The following GTF3A variants were observed in gnomAD, a reference collection of about 807,000 sequenced individuals.
The protein encoded by GTF3A is transcription factor IIIA.
In GTF3A, 40 loss-of-function variants were observed where a neutral mutation model predicts 37.6. That is an observed-to-expected ratio of 1.06 (90% CI 0.83 to 1.38). The LOEUF is 1.38. Among genes scored for constraint, GTF3A ranks in the 40% most tolerant of loss-of-function variants. The probability of loss-of-function intolerance (pLI) is 0.00; values close to 1 mark genes in which losing one functional copy is unlikely to be tolerated. For synonymous variants in GTF3A, 191 were observed against 166.7 expected (o/e 1.15, Z -1.12); for missense variants, 500 against 462.6 (o/e 1.08, Z -0.74).
At chr13:27,427,063 G>A (rs560421840) in intron 1 of GTF3A, 29 bp from the exon 2 acceptor site, 4 of 1,151,702 alleles carry the variant, frequency 3.5e-6, no homozygotes, top group South Asian at 2.5e-5. Context: ...TAGTGCAGAA[G>A]TGACATGCTT....
intron 2 of GTF3A, among the ~76,000 whole-genome samples, chr13:27,428,165 T>G (rs941700987): frequency 2.0e-5 from 3 of 152,202 alleles, no homozygotes; most frequent in Non-Finnish European, 4.4e-5. Flanking sequence ...CAAACTGAGC[T>G]CACTTTTCTG....
At chr13:27,434,386 C>T (rs1953688883) in intron 6 of GTF3A, among the ~76,000 whole-genome samples, 167 bp downstream of exon 6, 1 of 152,170 alleles carries the variant, frequency 6.6e-6, no homozygotes, top group African/African-American at 2.4e-5. Context: ...CAGAGCTGTG[C>T]CAGGTCTCTG....
chr13:27,430,944 A>G (rs1953652013), intron 4 of GTF3A, among the ~76,000 whole-genome samples: 1 of 152,010 alleles, frequency 6.6e-6, no homozygotes, highest in African/African-American at 2.4e-5. Flanking sequence ...CCATTTATTT[A>G]TTTCTATTTT....
Position 27,424,792 on chromosome 13 carries a change from G to C in GTF3A, c.55G>C (p.Ala19Pro). Residue 19 changes from alanine to proline, a missense_variant, in exon 1 of 9, where the codon GCG (alanine) becomes CCG (proline). Physicochemically the swap from Ala to Pro is conservative, Grantham distance 27. Coordinates refer to ENST00000381140, the MANE Select transcript of GTF3A (RefSeq NM_002097.3). ...GGTGTCGTCCTTGACCATCGCCGAC[G>C]CGTTCATTGCAGCCGGCGAGAGCTC... 1.3e-6 allele frequency: 2 copies of C among 1,544,616 alleles called. No homozygotes were observed. The highest frequency in any genetic ancestry group is 1.7e-6 in the Non-Finnish European group (2 of 1,144,862).
At chr13:27,434,266 C>A (rs962953924) in intron 6 of GTF3A, 47 bp downstream of exon 6, 6 of 806,698 alleles carry the variant, frequency 7.4e-6, no homozygotes, top group African/African-American at 1.7e-5. Flanking sequence ...TTTGTCCCCA[C>A]AGAACTGATT....
chr13:27,427,005 C>T (rs1471102497), intron 1 of GTF3A, 87 bp from the exon 2 acceptor site: 2 of 728,894 alleles, frequency 2.7e-6, no homozygotes, highest in African/African-American at 1.7e-5. Flanking sequence ...AGCCTGTGGC[C>T]TTAACACTAG....
rs1402875049 is a variant in GTF3A at position 27,432,715 on chromosome 13, T to C, written c.489-16T>C. 1 of 1,590,002 alleles carries C rather than the reference T, an allele frequency of 6.3e-7. No individual in the cohort carries two copies. The highest frequency in any genetic ancestry group is 1.4e-5 in the African/African-American group (1 of 72,562). The stretch of plus-strand genomic sequence containing the variant: ...TGAAAATGGATTGGCTAATACCTCA[T>C]GTGTTGCCAATGCAGGTGTACCCAG... On this transcript the variant is annotated splice_polypyrimidine_tract_variant and intron_variant, in intron 4 of 8. Coordinates refer to ENST00000381140, the MANE Select transcript of GTF3A (RefSeq NM_002097.3).
At chr13:27,425,026 C>T in intron 1 of GTF3A, 88 bp downstream of exon 1, 1 of 940,398 alleles carries the variant, frequency 1.1e-6, no homozygotes, top group Non-Finnish European at 1.6e-6. Flanking sequence ...GGCCGCAGGC[C>T]CCGCTGTGCA....
chr13:27,433,253 T>C (rs1017792052), intron 5 of GTF3A, among the ~76,000 whole-genome samples: 10 of 151,214 alleles, frequency 6.6e-5, no homozygotes, highest in African/African-American at 2.4e-4. Context: ...TATTTGAATC[T>C]ATGATCTGTT....
chr13:27,432,700 T>C (rs1953668084), intron 4 of GTF3A, 31 bp from the exon 5 acceptor site: 4 of 1,563,888 alleles, frequency 2.6e-6, no homozygotes, highest in Middle Eastern at 3.3e-4. Context: ...TGAAAATGGA[T>C]TGGCTAATAC....
chr13:27,427,168 C>T lies in GTF3A; in HGVS notation c.278C>T (p.Thr93Ile), dbSNP rs201449609. 9.5e-4 allele frequency: 1,520 copies of T among 1,599,204 alleles called. 4 individuals carry two copies. The highest frequency in any genetic ancestry group is 9.4e-4 in the Non-Finnish European group (1,103 of 1,167,518). Residue 93 changes from threonine to isoleucine, a missense_variant, in exon 2 of 9, where the codon ACT (threonine) becomes ATT (isoleucine). By Grantham distance (89) the Thr-to-Ile change is moderately conservative (BLOSUM62 -1). Coordinates refer to ENST00000381140, the MANE Select transcript of GTF3A (RefSeq NM_002097.3). ...TACCATCTGAGCCGCCACATTCTGA[C>T]TCACACAGGAGAAAAGCCGTTTGTG...
In GTF3A at chr13:27,435,746, CTT is replaced by C. The variant is rs777106377; in HGVS notation, c.*150_*151del. The C allele has an allele frequency of 3.7e-6, 6 of 1,614,120 alleles. No homozygotes were observed. Among genetic ancestry groups the C allele is most frequent in the East Asian group, 2.2e-5 (1 of 44,878 alleles). On this transcript the variant is annotated 3_prime_UTR_variant, in exon 9 of 9. Coordinates refer to ENST00000381140, the MANE Select transcript of GTF3A (RefSeq NM_002097.3). The stretch of plus-strand genomic sequence containing the variant: ...TTCAAAGTGTCTCTTTCCTGGGTCT[CTT>C]GAGTTTCTTTATATGCCTTCTCCTC...
At position 27,424,944 on chromosome 13, in the gene GTF3A, G is replaced by T; in HGVS notation, c.201+6G>T. Reference sequence around the variant, plus strand: ...TGTGCAAGCACACGGGGGAGGTGAGGGGGGCGAGGCTGCCAACCCTGGGCC... The same window carrying T: ...TGTGCAAGCACACGGGGGAGGTGAGTGGGGCGAGGCTGCCAACCCTGGGCC... On this transcript the variant is annotated splice_donor_region_variant and intron_variant, in intron 1 of 8. Transcript: ENST00000381140. The T allele has an allele frequency of 6.5e-7, 1 of 1,542,788 alleles. No homozygotes were observed. The highest frequency in any genetic ancestry group is 1.2e-5 in the South Asian group (1 of 82,752).
chr13:27,433,545 T>TTC (rs1953679092), intron 5 of GTF3A, among the ~76,000 whole-genome samples: 1 of 150,882 alleles, frequency 6.6e-6, no homozygotes, highest in African/African-American at 2.4e-5. Flanking sequence ...AACTTTTTTT[T>TTC]TTTTTTTTGT....
chr13:27,425,221 AG>A, intron 1 of GTF3A: 3 of 406,580 alleles, frequency 7.4e-6, no homozygotes, highest in Non-Finnish European at 1.3e-5. Context: ...GTGAGGTTTG[AG>A]GGGGCCCACC....
intron 8 of GTF3A, 51 bp from the exon 9 acceptor site, chr13:27,435,382 C>CA: frequency 1.9e-6 from 3 of 1,554,608 alleles, no homozygotes; most frequent in Non-Finnish European, 2.6e-6. Flanking sequence ...AAAATTAACT[C>CA]AGACAGTTTT....
At position 27,424,652 on chromosome 13, in the gene GTF3A, G is replaced by T; in HGVS notation, c.-86G>T. The T allele has an allele frequency of 3.0e-6, 3 of 1,004,566 alleles. No homozygotes were observed. The highest frequency in any genetic ancestry group is 4.0e-6 in the Non-Finnish European group (3 of 749,968). The allele number at this position is 1,004,566 out of a possible 1,614,324, so 62.2% of individuals were successfully genotyped here. On this transcript the variant is annotated 5_prime_UTR_variant, in exon 1 of 9. Transcript: ENST00000381140. ...CGGCGTCGCGCGAAGGTTCAGCAGG[G>T]AGCCGTGGGCCGGGCGCGCCGGTTC...
rs994180608 is a variant in GTF3A, at chr13:27,435,009, G to A, written c.848G>A (p.Gly283Asp). The change falls in exon 7 of 9, where the codon GGC becomes GAC. Residue 283 changes from glycine (G) to aspartate (D), a missense_variant. Physicochemically the swap from Gly to Asp is moderately conservative, Grantham distance 94. Transcript: ENST00000381140. ...CGCCCTTTTGTGTGTGAACATGCTG[G>A]CTGTGGCAAAACATTTGCAATGAAA... The A allele has an allele frequency of 1.2e-6, 2 of 1,606,508 alleles. No homozygotes were observed. The highest frequency in any genetic ancestry group is 1.7e-4 in the Middle Eastern group (1 of 6,050).
Position 27,434,815 on chromosome 13 carries a change from A to C in GTF3A, c.654A>C (p.Leu218=), listed in dbSNP as rs771856647. Residue 218 remains leucine, a synonymous_variant, in exon 7 of 9, where the codon CTA becomes CTC. Coordinates refer to ENST00000381140, the MANE Select transcript of GTF3A (RefSeq NM_002097.3). ...TGTCTGTCCCACCAGAGGAAATACT[A>C]TGTGAAGTATGCCGGAAAACATTTA... 1 of 1,604,768 alleles carries C rather than the reference A, an allele frequency of 6.2e-7. No individual in the cohort carries two copies. The highest frequency in any genetic ancestry group is 1.1e-5 in the South Asian group (1 of 90,524).
Sources: gnomAD v4.1 joint callset for allele counts (sites outside exome capture counted in the v4.1 genomes callset) on GRCh38, gnomAD v4.1.1 for gene constraint, MANE v1.5 for transcripts, NCBI Gene and HGNC (gene_info 2026-07-23, HGNC 2026-07-21) for gene names.